CAMTA1: variants seen among roughly 807,000 people sequenced by gnomAD.
CAMTA1 encodes calmodulin-binding transcription activator 1.
CAMTA1 carries 27 observed loss-of-function variants against 170.9 expected under a neutral mutation model. That is an observed-to-expected ratio of 0.16 (90% confidence interval 0.12 to 0.22). The LOEUF is 0.22. CAMTA1 is among the 10% of genes least tolerant of loss of function. The pLI, the probability that CAMTA1 is intolerant of heterozygous loss-of-function variation, is 1.00. For missense variants in CAMTA1, 1,619 were observed against 2,217.2 expected, an observed-to-expected ratio of 0.73 and a Z score of 5.42; for synonymous variants, 833 against 891.5, an observed-to-expected ratio of 0.93 and a Z score of 1.17.
intron 2 of CAMTA1, among the ~76,000 whole-genome samples, chr1:6,822,513 C>T (rs963841855): frequency 3.9e-5 from 6 of 152,104 alleles, no homozygotes; most frequent in African/African-American, 1.2e-4. Flanking sequence ...TTAAAAACAT[C>T]CAGTTTATAT....
intron 6 of CAMTA1, among the ~76,000 whole-genome samples, chr1:7,555,043 A>G (rs1050193432): frequency 6.6e-6 from 1 of 152,024 alleles, no homozygotes; most frequent in Non-Finnish European, 1.5e-5. Flanking sequence ...TAAACTGTGA[A>G]CCTCAAGGGT....
intron 7 of CAMTA1, among the ~76,000 whole-genome samples, chr1:7,649,712 C>T (rs1296848839): frequency 1.3e-5 from 2 of 152,182 alleles, no homozygotes; most frequent in African/African-American, 2.4e-5. Context: ...TCTCTCCTGG[C>T]GTCTTGCTGC....
At chr1:7,311,597 T>C (rs1031159347) in intron 5 of CAMTA1, among the ~76,000 whole-genome samples, 2 of 126,932 alleles carry the variant, frequency 1.6e-5, no homozygotes, top group Non-Finnish European at 3.6e-5. Flanking sequence ...TCTATGAAAG[T>C]TGAGTTTTTT....
intron 3 of CAMTA1, among the ~76,000 whole-genome samples, chr1:7,034,508 A>T (rs550081636): frequency 6.6e-6 from 1 of 152,310 alleles, no homozygotes; most frequent in African/African-American, 2.4e-5. Flanking sequence ...TAGTTTCCTC[A>T]TACACGTGCA....
At chr1:7,114,203 C>A (rs1224729329) in intron 4 of CAMTA1, among the ~76,000 whole-genome samples, 2 of 152,134 alleles carry the variant, frequency 1.3e-5, no homozygotes, top group Non-Finnish European at 2.9e-5. Context: ...CCTCAGACAC[C>A]CAGACCCAGT....
intron 5 of CAMTA1, among the ~76,000 whole-genome samples, chr1:7,358,373 G>T (rs774651635): frequency 2.0e-5 from 3 of 152,250 alleles, no homozygotes; most frequent in Non-Finnish European, 2.9e-5. Flanking sequence ...GTCAGAGCAT[G>T]TCAAGCTGCT....
intron 11 of CAMTA1, among the ~76,000 whole-genome samples, chr1:7,717,755 A>T (rs1336984514): frequency 1.3e-5 from 2 of 152,070 alleles, no homozygotes; most frequent in Non-Finnish European, 2.9e-5. Context: ...AAAAACGGAT[A>T]TATTCTTATT....
chr1:7,227,548 C>T (rs1378671586), intron 4 of CAMTA1, among the ~76,000 whole-genome samples: 4 of 152,078 alleles, frequency 2.6e-5, no homozygotes, highest in Admixed American at 6.5e-5. Context: ...AGGCTGGTCT[C>T]GAACTCCCAA....
chr1:6,911,798 C>T (rs879423972), intron 3 of CAMTA1, among the ~76,000 whole-genome samples: 1 of 152,200 alleles, frequency 6.6e-6, no homozygotes, highest in Non-Finnish European at 1.5e-5. Context: ...GTGATTCCCT[C>T]ATGTGTTTCC....
intron 3 of CAMTA1, among the ~76,000 whole-genome samples, chr1:6,838,894 C>T (rs114008416): frequency 0.037 from 5,610 of 152,072 alleles, 122 homozygotes; most frequent in Middle Eastern, 0.075. Context: ...ATGGTTAGGA[C>T]TACAGGCATG....
At chr1:7,616,515 C>A (rs1202974724) in intron 6 of CAMTA1, among the ~76,000 whole-genome samples, 1 of 152,260 alleles carries the variant, frequency 6.6e-6, no homozygotes, top group African/African-American at 2.4e-5. Context: ...TCTCTTAAAG[C>A]AACAGCCTCC....
At chr1:7,019,508 A>G (rs997490112) in intron 3 of CAMTA1, among the ~76,000 whole-genome samples, 2 of 152,124 alleles carry the variant, frequency 1.3e-5, no homozygotes, top group Non-Finnish European at 2.9e-5. Flanking sequence ...TGAACAGTGA[A>G]GTCGTGGAGG....
chr1:7,157,206 G>T (rs572096364), intron 4 of CAMTA1, among the ~76,000 whole-genome samples: 1 of 151,660 alleles, frequency 6.6e-6, no homozygotes, highest in African/African-American at 2.4e-5. Flanking sequence ...TTAGCCGGGC[G>T]TGGTGGCAGG....
chr1:6,799,775 C>T (rs1570079688), intron 1 of CAMTA1, among the ~76,000 whole-genome samples: 1 of 151,508 alleles, frequency 6.6e-6, no homozygotes, highest in Non-Finnish European at 1.5e-5. Flanking sequence ...TGAATGTGGT[C>T]TCTCTCTCTC....
chr1:6,955,948 G>A (rs555586932), intron 3 of CAMTA1, among the ~76,000 whole-genome samples: 1 of 152,270 alleles, frequency 6.6e-6, no homozygotes, highest in East Asian at 1.9e-4. Flanking sequence ...CATGCACTGA[G>A]GAGGCAAGGG....
intron 3 of CAMTA1, among the ~76,000 whole-genome samples, chr1:6,878,435 A>G (rs996562070): frequency 1.1e-4 from 16 of 152,246 alleles, no homozygotes; most frequent in Non-Finnish European, 4.4e-5. Context: ...TCAGCTAAAT[A>G]CAGTATTAAA....
At chr1:7,131,397 A>G (rs769409975) in intron 4 of CAMTA1, among the ~76,000 whole-genome samples, 1 of 152,190 alleles carries the variant, frequency 6.6e-6, no homozygotes, top group Non-Finnish European at 1.5e-5. Flanking sequence ...TGTCAAATCC[A>G]AGATCATTAA....
In CAMTA1 at chr1:7,426,968, C is replaced by T. The variant is rs1040407925; in HGVS notation, c.439-40862C>T. 2.0e-4 allele frequency among the ~76,000 whole-genome samples: 31 copies of T among 152,044 alleles called. No homozygotes were observed. Among genetic ancestry groups the T allele is most frequent in the South Asian group, 8.3e-4 (4 of 4,810 alleles). On this transcript the variant is annotated intron_variant, in intron 5 of 22. Coordinates refer to ENST00000303635, the MANE Select transcript of CAMTA1 (RefSeq NM_015215.4). The surrounding 1 kb of genome is among the most constrained non-coding windows in gnomAD (Gnocchi z 4.8). ...TTTGCTCAGCGGTGGCGTTCAGAAT[C>T]GTGTTTTCCTTACTCAACATTCCCA...
chr1:7,470,348 TACA>T (rs2093308376), intron 6 of CAMTA1, among the ~76,000 whole-genome samples: 2 of 152,232 alleles, frequency 1.3e-5, no homozygotes, highest in Admixed American at 6.5e-5. Context: ...TGGTGCTAAT[TACA>T]ACACCAGGAT....
Sources: allele counts gnomAD v4.1 joint callset (sites outside exome capture counted in the v4.1 genomes callset), GRCh38; gene constraint gnomAD v4.1.1; non-coding constraint Gnocchi (gnomAD v3.1); transcripts MANE v1.5; gene names NCBI Gene and HGNC (gene_info 2026-07-23, HGNC 2026-07-21).